Variants in DSCAM observed in about 807,000 individuals in gnomAD.
The protein encoded by DSCAM is DS cell adhesion molecule, also known as cell adhesion molecule DSCAM.
Under a neutral mutation model 217.7 loss-of-function variants are expected in DSCAM, and 47 were observed. The observed-to-expected ratio is 0.22, with a 90% CI of 0.17 to 0.28. DSCAM has a LOEUF of 0.28. Among genes scored for constraint, DSCAM ranks in the 10% least tolerant of loss-of-function variants. DSCAM has a pLI of 1.00. For synonymous variants in DSCAM, 1,056 were observed against 1,015.3 expected, an observed-to-expected ratio of 1.04 and a Z score of -0.76; for missense variants, 2,080 against 2,618.3, an observed-to-expected ratio of 0.79 and a Z score of 4.49.
intron 3 of DSCAM, among the ~76,000 whole-genome samples, chr21:40,486,957 G>T (rs542815603): frequency 6.6e-6 from 1 of 152,164 alleles, no homozygotes; most frequent in South Asian, 2.1e-4. Flanking sequence ...GGGGTCATCA[G>T]TGCCTGCCTT....
intron 1 of DSCAM, among the ~76,000 whole-genome samples, chr21:40,750,502 T>C (rs2091217181): frequency 6.6e-6 from 1 of 152,132 alleles, no homozygotes; most frequent in South Asian, 2.1e-4. Flanking sequence ...TCCCAGTCTC[T>C]TTGTACTCAC....
In DSCAM at chr21:40,044,097, G is replaced by A. The variant is rs1333043636; in HGVS notation, c.5364C>T (p.Val1788=). The part of the protein sequence containing the change: ...SVDKESDSYS[V]SPSQDTDRAR... ...GCCTACCTGTGTCTTGCGAGGGGCT[G>A]ACGCTGTAACTGTCGCTCTCTTTGT... Residue 1788 remains valine (V), a synonymous_variant, in exon 31 of 33, where the codon GTC becomes GTT. Coordinates refer to ENST00000400454, the MANE Select transcript of DSCAM (RefSeq NM_001389.5). 5.0e-6 allele frequency: 8 copies of A among 1,613,710 alleles called. No individual in the cohort carries two copies. Among genetic ancestry groups the A allele is most frequent in the East Asian group, 2.2e-5 (1 of 44,892 alleles).
At chr21:40,749,584 T>C (rs993083031) in intron 1 of DSCAM, among the ~76,000 whole-genome samples, 4 of 152,132 alleles carry the variant, frequency 2.6e-5, no homozygotes, top group Non-Finnish European at 5.9e-5. Context: ...CAAATGCTGG[T>C]GAGGATGTGG....
At chr21:40,154,189 C>CTTCCTTCCTCCCTTCCT (rs1555884280) in intron 16 of DSCAM, among the ~76,000 whole-genome samples, 1 of 146,766 alleles carries the variant, frequency 6.8e-6, no homozygotes, top group South Asian at 2.1e-4. Context: ...TTCTTCCTTC[C>CTTCCTTCCTCCCTTCCT]TTCCTTCCTT....
At chr21:40,113,362 AC>A (rs1196804943) in intron 20 of DSCAM, among the ~76,000 whole-genome samples, 1 of 152,068 alleles carries the variant, frequency 6.6e-6, no homozygotes, top group African/African-American at 2.4e-5. Context: ...AAATTCAACA[AC>A]CCTTCATGCT....
intron 3 of DSCAM, among the ~76,000 whole-genome samples, chr21:40,456,571 G>A (rs2075765113): frequency 6.6e-6 from 1 of 152,074 alleles, no homozygotes; most frequent in Non-Finnish European, 1.5e-5. Context: ...CACTAATATT[G>A]AACTCTAGCT....
intron 1 of DSCAM, among the ~76,000 whole-genome samples, chr21:40,836,851 A>G (rs991753503): frequency 1.3e-5 from 2 of 152,232 alleles, no homozygotes; most frequent in Non-Finnish European, 2.9e-5. Context: ...GTGGTGGGAA[A>G]AACAAGACAA....
intron 11 of DSCAM, among the ~76,000 whole-genome samples, chr21:40,260,531 T>C (rs2073436335): frequency 6.6e-6 from 1 of 152,086 alleles, no homozygotes; most frequent in Non-Finnish European, 1.5e-5. Flanking sequence ...ACATGAGGAG[T>C]GAGGATGGTC....
At chr21:40,496,615 C>T (rs1056324543) in intron 3 of DSCAM, among the ~76,000 whole-genome samples, 1 of 151,878 alleles carries the variant, frequency 6.6e-6, no homozygotes, top group East Asian at 1.9e-4. Context: ...AGTATGTGAC[C>T]CTAAAAGCAC....
intron 4 of DSCAM, among the ~76,000 whole-genome samples, chr21:40,361,595 G>T (rs976384109): frequency 3.3e-5 from 5 of 152,102 alleles, no homozygotes; most frequent in Admixed American, 1.3e-4. Context: ...CTCCAGTGTG[G>T]CAACAGAGTG....
At chr21:40,426,865 T>C (rs2075479928) in intron 3 of DSCAM, among the ~76,000 whole-genome samples, 1 of 152,094 alleles carries the variant, frequency 6.6e-6, no homozygotes, top group Admixed American at 6.6e-5. Context: ...CAAACCGTCA[T>C]CTTGGCTCAC....
chr21:40,589,790 C>T (rs1267175885), intron 3 of DSCAM, among the ~76,000 whole-genome samples: 10 of 152,176 alleles, frequency 6.6e-5, no homozygotes, highest in African/African-American at 2.4e-4. Context: ...ACCATCCTCA[C>T]TGCTAAACTT....
chr21:40,426,002 G>A (rs1357992324), intron 3 of DSCAM, among the ~76,000 whole-genome samples: 2 of 152,276 alleles, frequency 1.3e-5, no homozygotes, highest in South Asian at 4.1e-4. Flanking sequence ...TTTGCTTGCT[G>A]GTCAATCAAG....
At chr21:40,183,855 C>A (rs78800938) in intron 14 of DSCAM, among the ~76,000 whole-genome samples, 3,627 of 152,234 alleles carry the variant, frequency 0.024, 100 homozygotes, top group East Asian at 0.13. Flanking sequence ...GAAAGGAAAA[C>A]TTTTGGGGGG....
intron 3 of DSCAM, among the ~76,000 whole-genome samples, chr21:40,392,156 A>G (rs745550022): frequency 1.3e-5 from 2 of 152,224 alleles, no homozygotes; most frequent in African/African-American, 2.4e-5. Context: ...AATATTGGGT[A>G]AATGAGAGGA....
intron 18 of DSCAM, among the ~76,000 whole-genome samples, chr21:40,140,150 C>T (rs2090271757): frequency 1.3e-5 from 2 of 152,068 alleles, no homozygotes; most frequent in South Asian, 4.1e-4. Flanking sequence ...ACTGACCTGC[C>T]TCATAAACGA....
intron 3 of DSCAM, chr21:40,618,637 A>C (rs2089437371): frequency 6.6e-6 from 1 of 151,864 alleles, no homozygotes; most frequent in African/African-American, 2.4e-5. Flanking sequence ...GCACAACCCA[A>C]AACATGCTTT....
intron 11 of DSCAM, among the ~76,000 whole-genome samples, chr21:40,233,055 C>G (rs931460824): frequency 6.6e-6 from 1 of 151,990 alleles, no homozygotes; most frequent in Non-Finnish European, 1.5e-5. Flanking sequence ...CGGAGAGGAT[C>G]AGAAAAAACA....
chr21:40,755,336 C>T (rs987027734), intron 1 of DSCAM, among the ~76,000 whole-genome samples: 6 of 152,094 alleles, frequency 3.9e-5, no homozygotes, highest in Non-Finnish European at 7.4e-5. Flanking sequence ...ATCCCAGCTA[C>T]TTAGAAGGCT....
Sources: gnomAD v4.1 joint callset for allele counts (sites outside exome capture counted in the v4.1 genomes callset) on GRCh38, gnomAD v4.1.1 for gene constraint, MANE v1.5 for transcripts, NCBI Gene and HGNC (gene_info 2026-07-23, HGNC 2026-07-21) for gene names.